Variants in MPPED1 observed in about 807,000 individuals in gnomAD.
MPPED1 encodes metallophosphoesterase domain-containing protein 1.
MPPED1 carries 16 observed loss-of-function variants against 36.2 expected under a neutral mutation model. That is an observed-to-expected ratio of 0.44 (90% confidence interval 0.30 to 0.67). The LOEUF (loss-of-function observed/expected upper bound fraction) is 0.67, where lower values mean the gene tolerates loss of function less well. Ranked by LOEUF, MPPED1 falls within the 30% of genes least tolerant of loss-of-function variation. MPPED1 has a pLI of 0.10. For synonymous variants in MPPED1, 199 were observed against 191.3 expected, an observed-to-expected ratio of 1.04 and a Z score of -0.33; for missense variants, 307 against 453.4, an observed-to-expected ratio of 0.68 and a Z score of 2.93.
Position 43,502,648 on chromosome 22 carries a change from C to T in MPPED1, c.753C>T (p.Phe251=), listed in dbSNP as rs1487542633. The T allele has an allele frequency of 6.2e-7, 1 of 1,613,190 alleles. No homozygotes were observed. The highest frequency in any genetic ancestry group is 1.1e-5 in the South Asian group (1 of 91,080). The part of the protein sequence containing the change: ...ILITHGPPLG[F]LDWVPKKMQR... ...CTGTTGTCTCCCCCATACCAGGCTT[C>T]CTGGACTGGGTCCCCAAGAAGATGC... The change falls in exon 6 of 7, where the codon TTC becomes TTT. Residue 251 remains phenylalanine, a synonymous_variant. Transcript: ENST00000443721. The surrounding 1 kb of genome is among the most constrained non-coding windows in gnomAD (Gnocchi z 5.5).
intron 3 of MPPED1, among the ~76,000 whole-genome samples, chr22:43,445,982 C>T (rs776057211): frequency 4.0e-5 from 6 of 150,346 alleles, no homozygotes; most frequent in South Asian, 2.1e-4. Flanking sequence ...GTGATTCTCC[C>T]GCCTTAGCCC....
intron 4 of MPPED1, among the ~76,000 whole-genome samples, chr22:43,497,044 AGTGGTGGTGGAGATG>A (rs1569090179): frequency 4.1e-4 from 11 of 27,084 alleles, no homozygotes; most frequent in Non-Finnish European, 8.3e-4. Flanking sequence ...TGGTGGAGGT[AGTGGTGGTGGAGATG>A]GTGGTGGTGG....
At chr22:43,485,169 A>G (rs1316370885) in intron 4 of MPPED1, among the ~76,000 whole-genome samples, 1 of 152,080 alleles carries the variant, frequency 6.6e-6, no homozygotes, top group East Asian at 1.9e-4. Flanking sequence ...TCACATATAC[A>G]CACATAATTC....
Position 43,507,613 on chromosome 22 carries a change from G to T in MPPED1, c.*1997G>T, listed in dbSNP as rs531431119. 3 of 152,248 alleles carry T rather than the reference G, an allele frequency of 2.0e-5. No individual in the cohort carries two copies. In the South Asian group the frequency reaches 6.2e-4, roughly 32 times the overall value. 9.4% of individuals were successfully genotyped at this position (152,248 alleles called of 1,614,324 possible). On this transcript the variant is annotated 3_prime_UTR_variant, in exon 7 of 7. Transcript: ENST00000443721. ...CTCAATTTCTATGTGGACCAAGAAC[G>T]ATAAACTTAAAAAAATTTTTTTCCT...
At chr22:43,460,251 AAACAAACCCAAAC>A (rs1930904917) in intron 3 of MPPED1, among the ~76,000 whole-genome samples, 1 of 62,088 alleles carries the variant, frequency 1.6e-5, no homozygotes, top group Non-Finnish European at 3.7e-5. Context: ...ACAAAAACAA[AAACAAACCCAAAC>A]CCCCCCCCCC....
intron 2 of MPPED1, among the ~76,000 whole-genome samples, chr22:43,433,250 C>T (rs1235133484): frequency 6.6e-6 from 1 of 152,110 alleles, no homozygotes; most frequent in Non-Finnish European, 1.5e-5. Context: ...AGGGCCTTCT[C>T]TGCGCCCTGT....
intron 2 of MPPED1, among the ~76,000 whole-genome samples, chr22:43,430,263 C>T (rs1175329022): frequency 2.0e-5 from 3 of 152,184 alleles, no homozygotes; most frequent in Non-Finnish European, 4.4e-5. Flanking sequence ...CTTTTGGCGC[C>T]AGGAACTGCA....
intron 3 of MPPED1, among the ~76,000 whole-genome samples, chr22:43,443,544 C>T (rs376709118): frequency 1.3e-5 from 2 of 151,666 alleles, no homozygotes; most frequent in African/African-American, 4.9e-5. Context: ...AAGTTAGGGG[C>T]GAGGGAGATG....
chr22:43,499,755 A>G (rs1358005517), intron 5 of MPPED1, among the ~76,000 whole-genome samples: 8 of 13,616 alleles, frequency 5.9e-4, no homozygotes, highest in South Asian at 2.9e-3. Context: ...GGTGATGGTG[A>G]TGGAGGTGGC....
At chr22:43,494,810 C>T (rs1232057210) in intron 4 of MPPED1, among the ~76,000 whole-genome samples, 3 of 151,796 alleles carry the variant, frequency 2.0e-5, no homozygotes, top group Non-Finnish European at 2.9e-5. Flanking sequence ...GTGTTTCTCA[C>T]AGTCTGGAAT....
At chr22:43,498,432 G>C in intron 5 of MPPED1, 82 bp downstream of exon 5, 1 of 1,102,716 alleles carries the variant, frequency 9.1e-7, no homozygotes, top group Non-Finnish European at 1.3e-6. Context: ...GGCTGGGCCT[G>C]TATAGGGGAG....
chr22:43,495,292 G>GA (rs1158710559), intron 4 of MPPED1, among the ~76,000 whole-genome samples: 11 of 147,658 alleles, frequency 7.4e-5, no homozygotes, highest in Admixed American at 7.4e-4. Flanking sequence ...TGGAGGTGGT[G>GA]ATGGAGGTGA....
At position 43,504,209 on chromosome 22, in the gene MPPED1, A is replaced by G. The variant is rs142653717; in HGVS notation, c.863-1289A>G. 3.2e-4 allele frequency among the ~76,000 whole-genome samples: 49 copies of G among 152,122 alleles called. No individual in the cohort carries two copies. The East Asian group carries it at 8.7e-3, about 27-fold the overall frequency. On this transcript the variant is annotated intron_variant, in intron 6 of 6. Coordinates refer to ENST00000443721, the MANE Select transcript of MPPED1 (RefSeq NM_001044370.2). ...GACAATGGTGATAATGATAAACGCA[A>G]TGGTGGTGATGATGATAATGGTGAT...
At chr22:43,498,436 AG>A in intron 5 of MPPED1, 86 bp downstream of exon 5, 2 of 1,076,048 alleles carry the variant, frequency 1.9e-6, no homozygotes, top group Non-Finnish European at 2.7e-6. Flanking sequence ...GGGCCTGTAT[AG>A]GGGAGCCCTG....
At chr22:43,414,769 T>C (rs12485137) in intron 1 of MPPED1, among the ~76,000 whole-genome samples, 32,826 of 152,086 alleles carry the variant, frequency 0.22, 4,849 homozygotes, top group East Asian at 0.61. Context: ...TTTTCACGAA[T>C]TCCCCCTTTC....
At chr22:43,433,090 C>T (rs1443594752) in intron 2 of MPPED1, among the ~76,000 whole-genome samples, 2 of 151,990 alleles carry the variant, frequency 1.3e-5, no homozygotes, top group Non-Finnish European at 2.9e-5. Context: ...GTATGTAGGT[C>T]ACACCAGCTG....
chr22:43,416,878 C>A, intron 1 of MPPED1: 2 of 482,368 alleles, frequency 4.1e-6, no homozygotes, highest in Non-Finnish European at 5.4e-6. Flanking sequence ...TGTTTCTTTG[C>A]GTCTCGGGGC....
intron 3 of MPPED1, among the ~76,000 whole-genome samples, chr22:43,441,107 T>C (rs1248080027): frequency 6.6e-6 from 1 of 152,144 alleles, no homozygotes; most frequent in Non-Finnish European, 1.5e-5. Flanking sequence ...TCTAGTCTTC[T>C]TACAAAACAC....
chr22:43,417,899 T>G (rs1929131066), intron 1 of MPPED1: 1 of 384,024 alleles, frequency 2.6e-6, no homozygotes, highest in African/African-American at 2.1e-5. Flanking sequence ...GCGTCTAGGA[T>G]CCTGGTGAAA....
Sources: gnomAD v4.1 joint callset for allele counts (sites outside exome capture counted in the v4.1 genomes callset) on GRCh38, gnomAD v4.1.1 for gene constraint, Gnocchi (gnomAD v3.1) non-coding constraint, MANE v1.5 for transcripts, NCBI Gene and HGNC (gene_info 2026-07-23, HGNC 2026-07-21) for gene names.